CATSPERD: variants seen among roughly 807,000 people sequenced by gnomAD.
The protein encoded by CATSPERD is catsper channel auxiliary subunit delta.
Under a neutral mutation model 98.1 loss-of-function variants are expected in CATSPERD, and 86 were observed. The observed-to-expected ratio is 0.88, with a 90% CI of 0.74 to 1.05. CATSPERD has a LOEUF of 1.05. Among genes scored for constraint, CATSPERD ranks in the 50% least tolerant of loss-of-function variants. The pLI is 0.00. For missense variants in CATSPERD, 995 were observed against 1,005.7 expected, an observed-to-expected ratio of 0.99 and a Z score of 0.14; for synonymous variants, 394 against 390.2, an observed-to-expected ratio of 1.01 and a Z score of -0.12.
chr19:5,776,920 T>G (rs1345902350), intron 21 of CATSPERD, among the ~76,000 whole-genome samples: 4 of 151,940 alleles, frequency 2.6e-5, no homozygotes, highest in Non-Finnish European at 5.9e-5. Context: ...CCAATCAATT[T>G]CATGTCAGTG....
chr19:5,747,662 G>T (rs559003462), intron 9 of CATSPERD, among the ~76,000 whole-genome samples: 46 of 148,692 alleles, frequency 3.1e-4, no homozygotes, highest in Non-Finnish European at 4.9e-4. Context: ...GCCCAGGCTG[G>T]AGTACAGTGG....
chr19:5,772,632 C>T (rs938867632), intron 19 of CATSPERD, among the ~76,000 whole-genome samples, 156 bp from the exon 20 acceptor site: 7 of 152,068 alleles, frequency 4.6e-5, no homozygotes, highest in East Asian at 3.9e-4. Context: ...AGCCCACACA[C>T]GGCATCCTCA....
chr19:5,725,806 A>G (rs2055593916), intron 2 of CATSPERD, among the ~76,000 whole-genome samples: 1 of 151,886 alleles, frequency 6.6e-6, no homozygotes, highest in South Asian at 2.1e-4. Flanking sequence ...AGGCTGAGTC[A>G]GGAGAACTGC....
chr19:5,739,807 C>A (rs941159914), intron 7 of CATSPERD, among the ~76,000 whole-genome samples: 2 of 145,696 alleles, frequency 1.4e-5, no homozygotes, highest in African/African-American at 5.2e-5. Context: ...GCTCTGCTCT[C>A]CAGCTTGAGT....
intron 19 of CATSPERD, chr19:5,772,159 T>A (rs1198242137): frequency 7.3e-6 from 3 of 409,234 alleles, no homozygotes; most frequent in Non-Finnish European, 1.4e-5. Flanking sequence ...GCGGTCCTCC[T>A]GCCTCAGCCT....
chr19:5,759,379 C>G (rs567609731), intron 15 of CATSPERD, among the ~76,000 whole-genome samples: 1 of 150,860 alleles, frequency 6.6e-6, no homozygotes, highest in South Asian at 2.1e-4. Context: ...CTAGCCAACA[C>G]GGTGAAACCC....
At chr19:5,721,286 G>A (rs2055467585) in intron 1 of CATSPERD, among the ~76,000 whole-genome samples, 1 of 152,104 alleles carries the variant, frequency 6.6e-6, no homozygotes, top group South Asian at 2.1e-4. Context: ...ACAGGCGTGA[G>A]CCACCACGCC....
At chr19:5,750,426 G>A (rs1367618723) in intron 11 of CATSPERD, among the ~76,000 whole-genome samples, 1 of 139,642 alleles carries the variant, frequency 7.2e-6, no homozygotes, top group Admixed American at 7.4e-5. Context: ...ACTCTAGCCT[G>A]GGTGACTGAG....
rs1479514033 is a variant in CATSPERD at position 5,720,905 on chromosome 19, G to A, written c.71+97G>A. On this transcript the variant is annotated intron_variant, in intron 1 of 21. Transcript: ENST00000381624. ...GAGGCCTGCTCCCCAACCTCACTGA[G>A]GCTCCCCTTTTACTCTTTTTAGGAA... 7.3e-6 allele frequency: 7 copies of A among 963,612 alleles called. No individual in the cohort carries two copies. In the Admixed American group the frequency reaches 8.0e-5, roughly 11 times the overall value. The allele number at this position is 963,612 out of a possible 1,614,324, so 59.7% of individuals were successfully genotyped here. A position where few individuals can be genotyped will look rare whatever the true frequency, so the allele number is the denominator to read the frequency against.
At position 5,775,481 on chromosome 19, in the gene CATSPERD, C is replaced by CAAA. The variant is rs35784220; in HGVS notation, c.1942-664_1942-662dup. On this transcript the variant is annotated intron_variant, in intron 20 of 21. Transcript: ENST00000381624. ...TGAAACCCCATCTCTACTAAAAATA[C>CAAA]AAAAAAAAAAAAAAAAAATTTGCTG... is the stretch of plus-strand genomic sequence containing the variant. 4.1e-4 allele frequency among the ~76,000 whole-genome samples: 42 copies of CAAA among 102,842 alleles called. 1 individual carries two copies. The highest frequency in any genetic ancestry group is 5.1e-4 in the Non-Finnish European group (23 of 45,532). 67.5% of individuals were successfully genotyped at this position (102,842 alleles called of 152,430 possible). A position where few individuals can be genotyped will look rare whatever the true frequency, so the allele number is the denominator to read the frequency against.
chr19:5,743,916 C>A (rs1473730608), intron 7 of CATSPERD, among the ~76,000 whole-genome samples: 1 of 152,164 alleles, frequency 6.6e-6, no homozygotes. Flanking sequence ...TGGGTCATAT[C>A]ATTTTCTCCA....
rs776035325 is a variant in CATSPERD, at chr19:5,768,210, C to T, written c.1602C>T (p.Thr534=). 10 of 1,613,748 alleles carry T rather than the reference C, an allele frequency of 6.2e-6. No individual in the cohort carries two copies. The South Asian group carries it at 1.1e-4, about 18-fold the overall frequency. The change falls in exon 18 of 22, where the codon ACC becomes ACT. Residue 534 remains threonine (T), a synonymous_variant. Coordinates refer to ENST00000381624, the MANE Select transcript of CATSPERD (RefSeq NM_152784.4). ...CCATGGGCATCCTGGACCCCTTGAC[C>T]CTGCAAGACAATTACAGCTTCATCA... ...ACSMGILDPL[T]LQDNYSFIIE...
chr19:5,749,368 T>A (rs545253428), intron 11 of CATSPERD, among the ~76,000 whole-genome samples, 185 bp downstream of exon 11: 52 of 152,208 alleles, frequency 3.4e-4, no homozygotes, highest in African/African-American at 1.3e-3. Flanking sequence ...GGTGGGCACC[T>A]GTAATTCCAG....
intron 15 of CATSPERD, among the ~76,000 whole-genome samples, chr19:5,759,425 C>T (rs750557529): frequency 1.3e-5 from 2 of 151,592 alleles, no homozygotes; most frequent in Non-Finnish European, 2.9e-5. Flanking sequence ...ATTAGCTAGG[C>T]GTAGTGGCAG....
At chr19:5,762,478 T>C (rs376290980) in intron 15 of CATSPERD, among the ~76,000 whole-genome samples, 5 of 152,084 alleles carry the variant, frequency 3.3e-5, no homozygotes, top group African/African-American at 1.2e-4. Flanking sequence ...TCCCCTGACA[T>C]GTGAGGATTA....
intron 5 of CATSPERD, among the ~76,000 whole-genome samples, chr19:5,736,436 G>T (rs2055846991): frequency 6.6e-6 from 1 of 152,190 alleles, no homozygotes; most frequent in Non-Finnish European, 1.5e-5. Context: ...TTTTCTCCAG[G>T]CTGGGCGCGG....
At chr19:5,769,153 CAA>C (rs1348853919) in intron 18 of CATSPERD, among the ~76,000 whole-genome samples, 6 of 139,430 alleles carry the variant, frequency 4.3e-5, no homozygotes, top group Admixed American at 1.4e-4. Context: ...GACTCTGTCT[CAA>C]AAAAAAAAGA....
chr19:5,721,402 C>T (rs528871744), intron 1 of CATSPERD, among the ~76,000 whole-genome samples: 5 of 152,310 alleles, frequency 3.3e-5, no homozygotes, highest in African/African-American at 1.2e-4. Context: ...ACCCCCGCCT[C>T]CCAAAGTGCT....
chr19:5,725,721 T>G (rs1312032939), intron 2 of CATSPERD, among the ~76,000 whole-genome samples: 1 of 151,706 alleles, frequency 6.6e-6, no homozygotes, highest in African/African-American at 2.4e-5. Flanking sequence ...GCCAATATGG[T>G]GAAACCCCGT....
Sources: allele counts gnomAD v4.1 joint callset (sites outside exome capture counted in the v4.1 genomes callset), GRCh38; gene constraint gnomAD v4.1.1; transcripts MANE v1.5; gene names NCBI Gene and HGNC (gene_info 2026-07-23, HGNC 2026-07-21).